The following OR10A2 variants were observed in gnomAD, a reference collection of about 807,000 sequenced individuals.
OR10A2 encodes olfactory receptor 10A2.
A neutral mutation model predicts 13.7 loss-of-function variants in OR10A2; 15 were observed. The observed-to-expected ratio is 1.10, with a 90% CI of 0.73 to 1.69. The LOEUF is 1.69. Ranked by LOEUF, OR10A2 falls within the 40% of genes most tolerant of loss-of-function variation. OR10A2 has a pLI of 0.00. For synonymous variants in OR10A2, 145 were observed against 144.7 expected, an observed-to-expected ratio of 1.00 and a Z score of -0.02; for missense variants, 343 against 361.1, an observed-to-expected ratio of 0.95 and a Z score of 0.41.
intron 1 of OR10A2, 76 bp from the exon 2 acceptor site, chr11:6,869,543 CTATT>C: frequency 1.7e-6 from 1 of 588,398 alleles, no homozygotes; most frequent in Non-Finnish European, 3.0e-6. Flanking sequence ...GCTCTGGCTA[CTATT>C]TATTGTGTTT....
rs1848450968 is a variant in OR10A2 at position 6,872,922 on chromosome 11, C to CAATT, written c.*2257_*2260dup. 6.7e-6 allele frequency: 1 copy of CAATT among 150,304 alleles called. No individual in the cohort carries two copies. The highest frequency in any genetic ancestry group is 1.5e-5 in the Non-Finnish European group (1 of 67,944). The allele number at this position is 150,304 out of a possible 1,614,324, so 9.3% of individuals were successfully genotyped here. ...GCAACTTCTGCCTTCTGGGTTCAAT[C>CAATT]AATTCTCATGCCTCAGCCTCTTGAG... On this transcript the variant is annotated 3_prime_UTR_variant, in exon 2 of 2. Transcript: ENST00000641461.
In OR10A2 at chr11:6,870,190, C is replaced by T; in HGVS notation, c.436C>T (p.Gln146Ter). 6.2e-7 allele frequency: 1 copy of T among 1,614,254 alleles called. No homozygotes were observed. The highest frequency in any genetic ancestry group is 8.5e-7 in the Non-Finnish European group (1 of 1,180,040). ...WFPGFPVATV[Q>*]TTWLFSFPFC... ...CCCAGGCTTTCCTGTAGCTACTGTG[C>T]AGACCACATGGCTCTTCAGTTTTCC... The change falls in exon 2 of 2, where the codon CAG becomes TAG. Residue 146 changes from glutamine to a stop codon, truncating the protein, a stop_gained. Transcript: ENST00000641461. LOFTEE classifies it high-confidence loss of function.
rs145886873 is a variant in OR10A2 at position 6,863,639 on chromosome 11, C to T, written c.-133+288C>T. Among the ~76,000 whole-genome samples, 504 of 152,158 alleles carry T rather than the reference C, an allele frequency of 3.3e-3. 6 individuals are homozygous for T. Among genetic ancestry groups the T allele is most frequent in the African/African-American group, 0.012 (483 of 41,512 alleles). ...TTTTCTGAGTCAGGAAGCTTCCAGG[C>T]CCTACAACCTTCACAGGACATATAC... On this transcript the variant is annotated intron_variant, in intron 1 of 1. Transcript: ENST00000641461.
chr11:6,867,946 C>T lies in OR10A2; in HGVS notation c.-132-1677C>T, dbSNP rs148928398. Among the ~76,000 whole-genome samples, 259 of 152,080 alleles carry T rather than the reference C, an allele frequency of 1.7e-3. 1 individual carries two copies. Among genetic ancestry groups the T allele is most frequent in the Middle Eastern group, 6.8e-3 (2 of 294 alleles). On this transcript the variant is annotated intron_variant, in intron 1 of 1. Transcript: ENST00000641461. ...TCCATTTTTTGTAGAGATGGGGTTT[C>T]GCCACCTTGCTGAGGCTGGTCTCAA...
At chr11:6,869,242 T>C (rs886869168) in intron 1 of OR10A2, among the ~76,000 whole-genome samples, 19 of 152,350 alleles carry the variant, frequency 1.2e-4, no homozygotes, top group African/African-American at 4.6e-4. Flanking sequence ...TCAAGAAAGG[T>C]TCATGAAGAG....
rs937974570 is a variant in OR10A2 at position 6,871,574 on chromosome 11, A to G, written c.*908A>G. The G allele has an allele frequency of 6.6e-6, 1 of 152,146 alleles. No individual in the cohort carries two copies. The highest frequency in any genetic ancestry group is 1.5e-5 in the Non-Finnish European group (1 of 68,036). 9.4% of individuals were successfully genotyped at this position (152,146 alleles called of 1,614,324 possible). Reference sequence around the variant, plus strand: ...TATAACCCCAATAATTATTTCCTTCACACTAGATTCTTCCCAAGAAAAACA... The same window carrying G: ...TATAACCCCAATAATTATTTCCTTCGCACTAGATTCTTCCCAAGAAAAACA... On this transcript the variant is annotated 3_prime_UTR_variant, in exon 2 of 2. Coordinates refer to ENST00000641461, the MANE Select transcript of OR10A2 (RefSeq NM_001004460.2).
chr11:6,863,146 T>A lies in OR10A2; in HGVS notation c.-338T>A, dbSNP rs2595457. ...TGGCCAAACTTCATAGTGAGCTTAC[T>A]TGCCTCTGACACACAAGGCAGCAGT... On this transcript the variant is annotated 5_prime_UTR_variant, in exon 1 of 2. In the 5' UTR this introduces an upstream ATG that the reference lacks. Transcript: ENST00000641461. 7.2e-5 allele frequency: 11 copies of A among 151,980 alleles called. No homozygotes were observed. Among genetic ancestry groups the A allele is most frequent in the Admixed American group, 2.6e-4 (4 of 15,270 alleles). 9.4% of individuals were successfully genotyped at this position (151,980 alleles called of 1,614,324 possible).
intron 1 of OR10A2, among the ~76,000 whole-genome samples, chr11:6,863,746 G>A (rs1203465377): frequency 1.3e-5 from 2 of 152,054 alleles, no homozygotes; most frequent in Non-Finnish European, 2.9e-5. Flanking sequence ...AGAACATCAG[G>A]GCAAACTACT....
At position 6,870,290 on chromosome 11, in the gene OR10A2, C is replaced by G; in HGVS notation, c.536C>G (p.Thr179Arg). 3.7e-6 allele frequency: 6 copies of G among 1,614,198 alleles called. No homozygotes were observed. The highest frequency in any genetic ancestry group is 5.1e-6 in the Non-Finnish European group (6 of 1,180,038). The change falls in exon 2 of 2, where the codon ACA (threonine) becomes AGA (arginine). Residue 179 changes from threonine to arginine, a missense_variant. Thr to Arg is a moderately conservative substitution (Grantham distance 71). Transcript: ENST00000641461. The stretch of plus-strand genomic sequence containing the variant: ...GTGCTGAGGCTGGTCTGTGCAGACA[C>G]AGCACTCTTTGAGATCTACGCCATC... Reference protein sequence around the residue: ...PPVLRLVCADTALFEIYAIVG... With the variant: ...PPVLRLVCADRALFEIYAIVG...
At position 6,870,578 on chromosome 11, in the gene OR10A2, T is replaced by C. The variant is rs560635298; in HGVS notation, c.824T>C (p.Ile275Thr). Residue 275 changes from isoleucine to threonine, a missense_variant, in exon 2 of 2, where the codon ATT becomes ACT. Coordinates refer to ENST00000641461, the MANE Select transcript of OR10A2 (RefSeq NM_001004460.2). ...YTVMTPMLNPIIYSLRNNEVK... is the reference protein window; with the variant it reads ...YTVMTPMLNPTIYSLRNNEVK... ...GTTATGACTCCCATGTTGAACCCCA[T>C]TATCTACAGCCTGAGAAATAACGAG... is the stretch of plus-strand genomic sequence containing the variant. The C allele has an allele frequency of 8.4e-5, 136 of 1,614,088 alleles. No homozygotes were observed. The highest frequency in any genetic ancestry group is 6.8e-4 in the South Asian group (62 of 91,064).
Position 6,870,590 on chromosome 11 carries a change from T to A in OR10A2, c.836T>A (p.Leu279Gln). 1 of 1,613,452 alleles carries A rather than the reference T, an allele frequency of 6.2e-7. No homozygotes were observed. Among genetic ancestry groups the A allele is most frequent in the Non-Finnish European group, 8.5e-7 (1 of 1,179,456 alleles). The change falls in exon 2 of 2, where the codon CTG (leucine) becomes CAG (glutamine). Residue 279 changes from leucine (L) to glutamine (Q), a missense_variant. By Grantham distance (113) the Leu-to-Gln change is moderately radical (BLOSUM62 -2). Coordinates refer to ENST00000641461, the MANE Select transcript of OR10A2 (RefSeq NM_001004460.2). ...ATGTTGAACCCCATTATCTACAGCCTGAGAAATAACGAGGTGAAGAATGCC... is the reference window on the plus strand; with the variant it reads ...ATGTTGAACCCCATTATCTACAGCCAGAGAAATAACGAGGTGAAGAATGCC... ...TPMLNPIIYS[L>Q]RNNEVKNALS...
At chr11:6,868,802 T>C (rs1217559483) in intron 1 of OR10A2, among the ~76,000 whole-genome samples, 3 of 152,168 alleles carry the variant, frequency 2.0e-5, no homozygotes, top group Non-Finnish European at 2.9e-5. Context: ...AGATTACGAA[T>C]ACAATAAGAA....
chr11:6,866,879 G>T (rs12278894), intron 1 of OR10A2, among the ~76,000 whole-genome samples: 2 of 151,978 alleles, frequency 1.3e-5, no homozygotes, highest in Non-Finnish European at 2.9e-5. Context: ...TCTTCCATTA[G>T]ATCAGAGACA....
Position 6,870,712 on chromosome 11 carries a change from T to A in OR10A2, c.*46T>A. 1 of 1,407,918 alleles carries A rather than the reference T, an allele frequency of 7.1e-7. No individual in the cohort carries two copies. Among genetic ancestry groups the A allele is most frequent in the Non-Finnish European group, 9.7e-7 (1 of 1,036,006 alleles). 87.2% of individuals were successfully genotyped at this position (1,407,918 alleles called of 1,614,324 possible). ...ATTTTACTGGATGAGAAACAATCAG[T>A]CCCAGATTTGAGATTCCTCTCTGCA... On this transcript the variant is annotated 3_prime_UTR_variant, in exon 2 of 2. Transcript: ENST00000641461.
Position 6,870,970 on chromosome 11 carries a change from G to A in OR10A2, c.*304G>A, listed in dbSNP as rs575803639. 686 of 110,224 alleles carry A rather than the reference G, an allele frequency of 6.2e-3. 5 individuals are homozygous for A. Among genetic ancestry groups the A allele is most frequent in the Middle Eastern group, 0.018 (4 of 218 alleles). 6.8% of individuals were successfully genotyped at this position (110,224 alleles called of 1,614,324 possible). ...TTCTTTTTTTTTTTTTTTTTGAGAC[G>A]GAGTCTCGCTCTGTCCCCCAGGCTG... On this transcript the variant is annotated 3_prime_UTR_variant, in exon 2 of 2. Coordinates refer to ENST00000641461, the MANE Select transcript of OR10A2 (RefSeq NM_001004460.2).
Position 6,870,519 on chromosome 11 carries a change from T to C in OR10A2, c.765T>C (p.Pro255=). The change falls in exon 2 of 2, where the codon CCT becomes CCC. Residue 255 remains proline, a synonymous_variant. Coordinates refer to ENST00000641461, the MANE Select transcript of OR10A2 (RefSeq NM_001004460.2). ...TCCGGCCTAAATCAAATAATTCACCTGAGGGCAAGAAGCTGCTATCATTGT... is the reference window on the plus strand; with the variant it reads ...TCCGGCCTAAATCAAATAATTCACCCGAGGGCAAGAAGCTGCTATCATTGT... ...TYFRPKSNNS[P]EGKKLLSLSY... 1 of 1,614,182 alleles carries C rather than the reference T, an allele frequency of 6.2e-7. No individual in the cohort carries two copies. The highest frequency in any genetic ancestry group is 8.5e-7 in the Non-Finnish European group (1 of 1,179,994).
At chr11:6,869,213 C>T (rs1428971560) in intron 1 of OR10A2, among the ~76,000 whole-genome samples, 1 of 152,190 alleles carries the variant, frequency 6.6e-6, no homozygotes, top group Non-Finnish European at 1.5e-5. Context: ...CTTTCACCCT[C>T]CTCTCAAATT....
rs538214653 is a variant in OR10A2, at chr11:6,871,523, A to G, written c.*857A>G. On this transcript the variant is annotated 3_prime_UTR_variant, in exon 2 of 2. Transcript: ENST00000641461. ...ATGCAGTATGCATGTATGAGAGTAG[A>G]TCAAAAGTTCACATGCATATGCCTT... 2.6e-5 allele frequency: 4 copies of G among 152,334 alleles called. No homozygotes were observed. The East Asian group carries it at 7.7e-4, about 29-fold the overall frequency. 9.4% of individuals were successfully genotyped at this position (152,334 alleles called of 1,614,324 possible).
chr11:6,865,186 T>C (rs1363566396), intron 1 of OR10A2, among the ~76,000 whole-genome samples: 2 of 147,750 alleles, frequency 1.4e-5, no homozygotes, highest in African/African-American at 4.9e-5. Context: ...TATATATTTA[T>C]ATATTTAGAA....
Sources: allele counts gnomAD v4.1 joint callset (sites outside exome capture counted in the v4.1 genomes callset), GRCh38; gene constraint gnomAD v4.1.1; transcripts MANE v1.5; gene names NCBI Gene and HGNC (gene_info 2026-07-23, HGNC 2026-07-21).